The following FSIP2 variants were observed in gnomAD, a reference collection of about 807,000 sequenced individuals.
The protein encoded by FSIP2 is fibrous sheath-interacting protein 2.
In FSIP2, 367 loss-of-function variants were observed where a neutral mutation model predicts 510.5. The ratio of observed to expected loss-of-function variants is 0.72; its 90% CI spans 0.66 to 0.78. The LOEUF (loss-of-function observed/expected upper bound fraction) is 0.78, where lower values mean the gene tolerates loss of function less well. Ranked by LOEUF, FSIP2 falls within the 30% of genes least tolerant of loss-of-function variation. The pLI is 0.00. For synonymous variants in FSIP2, 2,601 were observed against 2,732.2 expected (o/e 0.95, Z 1.50); for missense variants, 7,594 against 7,901.7 (o/e 0.96, Z 1.48).
rs1693195237 is a variant in FSIP2, at chr2:185,793,720, A to T, written c.6584A>T (p.Lys2195Ile). The change falls in exon 16 of 23, where the codon AAA becomes ATA. Residue 2195 changes from lysine (K) to isoleucine (I), a missense_variant. Lys to Ile is a moderately radical substitution (Grantham distance 102). Coordinates refer to ENST00000424728, the MANE Select transcript of FSIP2 (RefSeq NM_173651.4). The part of the protein sequence containing the change: ...LPLTFCDTFP[K>I]IDCQQPLKGS... ...CTGACATTTTGTGATACGTTTCCAAAAATAGACTGTCAACAGCCTCTTAAG... is the reference window on the plus strand; with the variant it reads ...CTGACATTTTGTGATACGTTTCCAATAATAGACTGTCAACAGCCTCTTAAG... 6.5e-7 allele frequency: 1 copy of T among 1,534,510 alleles called. No homozygotes were observed. Among genetic ancestry groups the T allele is most frequent in the South Asian group, 1.2e-5 (1 of 84,028 alleles).
At chr2:185,751,051 T>G (rs1005019920) in intron 7 of FSIP2, among the ~76,000 whole-genome samples, 1 of 151,596 alleles carries the variant, frequency 6.6e-6, no homozygotes, top group African/African-American at 2.4e-5. Context: ...AAAAAACTTC[T>G]TTCTACTGTT....
Position 185,795,614 on chromosome 2 carries a change from G to T in FSIP2, c.8478G>T (p.Gln2826His), listed in dbSNP as rs1693249461. 6.5e-7 allele frequency: 1 copy of T among 1,534,886 alleles called. No individual in the cohort carries two copies. Among genetic ancestry groups the T allele is most frequent in the African/African-American group, 1.4e-5 (1 of 72,884 alleles). Residue 2826 changes from glutamine to histidine, a missense_variant, in exon 16 of 23, where the codon CAG (glutamine) becomes CAT (histidine). Physicochemically the swap from Gln to His is conservative, Grantham distance 24. Transcript: ENST00000424728. The part of the protein sequence containing the change: ...ACFYLENVSS[Q>H]LEHIFPREGI... ...TTTACTTGGAGAATGTTTCTTCACA[G>T]CTAGAGCACATTTTTCCTAGAGAAG...
chr2:185,800,836 T>C lies in FSIP2; in HGVS notation c.11530T>C (p.Ser3844Pro), dbSNP rs562264737. Residue 3844 changes from serine (S) to proline (P), a missense_variant, in exon 17 of 23, where the codon TCC (serine) becomes CCC (proline). Physicochemically the swap from Ser to Pro is moderately conservative, Grantham distance 74. Coordinates refer to ENST00000424728, the MANE Select transcript of FSIP2 (RefSeq NM_173651.4). ...ATCAGACTCTATGCTTACTATTATT[T>C]CCCACAGCTTGGTTAAATCATTGAT... ...LTSDSMLTII[S>P]HSLVKSLMDK... 1.3e-6 allele frequency: 2 copies of C among 1,534,374 alleles called. No individual in the cohort carries two copies. The highest frequency in any genetic ancestry group is 3.9e-5 in the Admixed American group (2 of 50,850).
intron 22 of FSIP2, 142 bp from the exon 23 acceptor site, chr2:185,832,948 G>A (rs1469618536): frequency 1.5e-5 from 10 of 654,994 alleles, no homozygotes; most frequent in Non-Finnish European, 2.7e-5. Flanking sequence ...TAGTACAGTA[G>A]GCATAATGAT....
Position 185,811,523 on chromosome 2 carries a change from T to G in FSIP2, c.19828-2022T>G, listed in dbSNP as rs538094666. Among the ~76,000 whole-genome samples the G allele has an allele frequency of 6.0e-5, 9 of 150,644 alleles. No homozygotes were observed. The South Asian group carries it at 1.5e-3, about 25-fold the overall frequency. On this transcript the variant is annotated intron_variant, in intron 17 of 22. Transcript: ENST00000424728. Reference sequence around the variant, plus strand: ...TGTGGCAAAGAAAAAAAAAAGGTTGTTTGTTTGTTTGTTTGTTTGTTTTTT... The same window carrying G: ...TGTGGCAAAGAAAAAAAAAAGGTTGGTTGTTTGTTTGTTTGTTTGTTTTTT...
At chr2:185,828,061 T>C in intron 20 of FSIP2, 95 bp from the exon 21 acceptor site, 1 of 744,756 alleles carries the variant, frequency 1.3e-6, no homozygotes, top group Non-Finnish European at 2.3e-6. Flanking sequence ...ATATGATTCT[T>C]TGGTGAAAAA....
intron 12 of FSIP2, 47 bp from the exon 13 acceptor site, chr2:185,764,455 A>C: frequency 8.0e-7 from 1 of 1,257,344 alleles, no homozygotes; most frequent in Non-Finnish European, 1.1e-6. Context: ...TGAGTCCTAA[A>C]ATTTTTTTTT....
rs182745272 is a variant in FSIP2, at chr2:185,802,847, G to A, written c.13541G>A (p.Arg4514Lys). Reference sequence around the variant, plus strand: ...GCTTCAAACCTAGTTAGTGATATTAGGATGAAAGTTTCCCAACATGAAATT... The same window carrying A: ...GCTTCAAACCTAGTTAGTGATATTAAGATGAAAGTTTCCCAACATGAAATT... ...DIASNLVSDI[R>K]MKVSQHEIRF... is the part of the protein sequence containing the mutation. The change falls in exon 17 of 23, where the codon AGG becomes AAG. Residue 4514 changes from arginine to lysine, a missense_variant. Physicochemically the swap from Arg to Lys is conservative, Grantham distance 26. Transcript: ENST00000424728. 77 of 1,509,682 alleles carry A rather than the reference G, an allele frequency of 5.1e-5. 1 individual carries two copies. Among genetic ancestry groups the A allele is most frequent in the Admixed American group, 8.9e-5 (4 of 45,092 alleles). The allele number at this position is 1,509,682 out of a possible 1,614,324, so 93.5% of individuals were successfully genotyped here.
In FSIP2 at chr2:185,761,960, G is replaced by T; in HGVS notation, c.1195-12G>T. The stretch of plus-strand genomic sequence containing the variant: ...TAATGTAATTTTTTCTCTTCAATGT[G>T]GTACCATGTAGAGAGATGGGATGGT... On this transcript the variant is annotated splice_polypyrimidine_tract_variant and intron_variant, in intron 10 of 22. Transcript: ENST00000424728. 1 of 1,438,768 alleles carries T rather than the reference G, an allele frequency of 7.0e-7. No homozygotes were observed. Among genetic ancestry groups the T allele is most frequent in the Non-Finnish European group, 9.4e-7 (1 of 1,067,066 alleles). 89.1% of individuals were successfully genotyped at this position (1,438,768 alleles called of 1,614,324 possible).
chr2:185,814,522 A>G (rs1693796601), intron 18 of FSIP2, among the ~76,000 whole-genome samples: 1 of 152,034 alleles, frequency 6.6e-6, no homozygotes, highest in Non-Finnish European at 1.5e-5. Context: ...TAACCAGCTT[A>G]TCCAACCTTA....
At position 185,806,625 on chromosome 2, in the gene FSIP2, C is replaced by G. The variant is rs1324473407; in HGVS notation, c.17319C>G (p.Asn5773Lys). ...CCAGTAAACCAGATGATCCTCAAAA[C>G]CAACGAGAAAGTAAACCTGGAATTT... ...SEPSKPDDPQNQRESKPGIFP... is the reference protein window; with the variant it reads ...SEPSKPDDPQKQRESKPGIFP... Residue 5773 changes from asparagine to lysine, a missense_variant, in exon 17 of 23, where the codon AAC (asparagine) becomes AAG (lysine). Physicochemically the swap from Asn to Lys is moderately conservative, Grantham distance 94. Transcript: ENST00000424728. 1.2e-6 allele frequency: 2 copies of G among 1,608,154 alleles called. No homozygotes were observed. The highest frequency in any genetic ancestry group is 2.7e-5 in the African/African-American group (2 of 74,318).
rs1693135073 is a variant in FSIP2, at chr2:185,791,782, A to G, written c.4646A>G (p.Asn1549Ser). The part of the protein sequence containing the change: ...SIVSRRVQED[N>S]KEETKSKAKP... ...GTTTCCAGAAGGGTTCAGGAGGACA[A>G]TAAAGAAGAGACTAAAAGCAAGGCA... The change falls in exon 16 of 23, where the codon AAT becomes AGT. Residue 1549 changes from asparagine (N) to serine (S), a missense_variant. Physicochemically the swap from Asn to Ser is conservative, Grantham distance 46. Transcript: ENST00000424728. 1 of 1,534,384 alleles carries G rather than the reference A, an allele frequency of 6.5e-7. No individual in the cohort carries two copies. The highest frequency in any genetic ancestry group is 1.4e-5 in the African/African-American group (1 of 72,866).
Position 185,795,046 on chromosome 2 carries a change from T to G in FSIP2, c.7910T>G (p.Leu2637Arg). Residue 2637 changes from leucine (L) to arginine (R), a missense_variant, in exon 16 of 23, where the codon CTC (leucine) becomes CGC (arginine). Leu to Arg is a moderately radical substitution (Grantham distance 102, BLOSUM62 -2). Coordinates refer to ENST00000424728, the MANE Select transcript of FSIP2 (RefSeq NM_173651.4). Reference protein sequence around the residue: ...QVKKDLIQMVLNKITNFVSLP... With the variant: ...QVKKDLIQMVRNKITNFVSLP... ...AAGAAAGACTTAATTCAAATGGTTCTCAATAAGATCACAAATTTTGTCTCA... is the reference window on the plus strand; with the variant it reads ...AAGAAAGACTTAATTCAAATGGTTCGCAATAAGATCACAAATTTTGTCTCA... 1.3e-6 allele frequency: 2 copies of G among 1,534,740 alleles called. No individual in the cohort carries two copies. The highest frequency in any genetic ancestry group is 1.7e-6 in the Non-Finnish European group (2 of 1,146,068).
At chr2:185,788,501 T>C in intron 15 of FSIP2, 142 bp from the exon 16 acceptor site, 1 of 532,658 alleles carries the variant, frequency 1.9e-6, no homozygotes, top group Non-Finnish European at 3.1e-6. Flanking sequence ...TAAACTGATA[T>C]TTCTTTACTA....
intron 13 of FSIP2, among the ~76,000 whole-genome samples, chr2:185,775,934 A>G (rs995067982): frequency 7.2e-5 from 11 of 152,180 alleles, no homozygotes; most frequent in Non-Finnish European, 1.6e-4. Context: ...AAGTGTTGGG[A>G]TTACAGGCGT....
chr2:185,763,691 T>C (rs187001762), intron 12 of FSIP2, among the ~76,000 whole-genome samples: 12 of 151,708 alleles, frequency 7.9e-5, no homozygotes, highest in Non-Finnish European at 1.5e-4. Context: ...ACATGTATCT[T>C]TGGTTTCATC....
intron 9 of FSIP2, among the ~76,000 whole-genome samples, chr2:185,756,547 A>G (rs1261128139): frequency 6.6e-6 from 1 of 151,492 alleles, no homozygotes; most frequent in Non-Finnish European, 1.5e-5. Flanking sequence ...TAAATATATA[A>G]TACAGCATGC....
In FSIP2 at chr2:185,782,750, T is replaced by C; in HGVS notation, c.1457T>C (p.Val486Ala). ...GACCCGGGTATATTTTCTTCTCCTG[T>C]TTACACAAATATGTAAGTACCTAAG... ...ATDPGIFSSPVYTNMQQNLLQ... is the reference protein window; with the variant it reads ...ATDPGIFSSPAYTNMQQNLLQ... Residue 486 changes from valine (V) to alanine (A), a missense_variant, in exon 14 of 23, where the codon GTT (valine) becomes GCT (alanine). Coordinates refer to ENST00000424728, the MANE Select transcript of FSIP2 (RefSeq NM_173651.4). 2 of 1,487,684 alleles carry C rather than the reference T, an allele frequency of 1.3e-6. No homozygotes were observed. The highest frequency in any genetic ancestry group is 1.8e-6 in the Non-Finnish European group (2 of 1,102,912). The allele number at this position is 1,487,684 out of a possible 1,614,324, so 92.2% of individuals were successfully genotyped here.
At chr2:185,764,808 G>A in intron 13 of FSIP2, 1 of 400,626 alleles carries the variant, frequency 2.5e-6, no homozygotes, top group Admixed American at 4.3e-5. Flanking sequence ...GAAAGAGAAT[G>A]CATAGACCTA....
Sources: gnomAD v4.1 joint callset for allele counts (sites outside exome capture counted in the v4.1 genomes callset) on GRCh38, gnomAD v4.1.1 for gene constraint, MANE v1.5 for transcripts, NCBI Gene and HGNC (gene_info 2026-07-23, HGNC 2026-07-21) for gene names.